CPVL: variants seen among roughly 807,000 people sequenced by gnomAD.
CPVL encodes the protein carboxypeptidase vitellogenic like, also known as probable serine carboxypeptidase CPVL.
In CPVL, 51 loss-of-function variants were observed where a neutral mutation model predicts 63.7. That is an observed-to-expected ratio of 0.80 (90% CI 0.64 to 1.01). The LOEUF (loss-of-function observed/expected upper bound fraction) is 1.01. CPVL is among the 50% of genes least tolerant of loss of function. The pLI, the probability that CPVL is intolerant of heterozygous loss-of-function variation, is 0.00. For missense variants in CPVL, 530 were observed against 573.1 expected (o/e 0.92, Z 0.77); for synonymous variants, 195 against 206.0 (o/e 0.95, Z 0.46).
chr7:29,072,487 A>G (rs1461412578), intron 7 of CPVL, 64 bp from the exon 8 acceptor site: 6 of 1,562,808 alleles, frequency 3.8e-6, no homozygotes, highest in Non-Finnish European at 5.3e-6. Context: ...AAATGTACTT[A>G]AGCTAATTAA....
intron 3 of CPVL, among the ~76,000 whole-genome samples, chr7:29,107,685 G>A: frequency 6.6e-6 from 1 of 152,216 alleles, no homozygotes; most frequent in Non-Finnish European, 1.5e-5. Context: ...CAGAATCTCT[G>A]CTGGGTGCAG....
intron 1 of CPVL, among the ~76,000 whole-genome samples, chr7:29,186,807 G>T (rs1277856689): frequency 6.6e-6 from 1 of 152,070 alleles, no homozygotes; most frequent in Non-Finnish European, 1.5e-5. Context: ...GTATTGGAAT[G>T]AATCAGCCAA....
At chr7:29,036,342 G>A (rs1311063089) in intron 11 of CPVL, among the ~76,000 whole-genome samples, 2 of 152,156 alleles carry the variant, frequency 1.3e-5, no homozygotes, top group East Asian at 3.9e-4. Context: ...CAGAATAAGA[G>A]GTCAGTGAGT....
chr7:29,174,452 T>A (rs928043313), intron 5 of CPVL, among the ~76,000 whole-genome samples: 1 of 152,144 alleles, frequency 6.6e-6, no homozygotes, highest in Non-Finnish European at 1.5e-5. Flanking sequence ...GACAGGAACC[T>A]GTCCAGACAA....
rs1584250519 is a variant in CPVL, at chr7:29,096,476, T to C, written c.289-259A>G. 5.8e-6 allele frequency: 3 copies of C among 518,730 alleles called. No homozygotes were observed. In the East Asian group the frequency reaches 8.9e-5, roughly 15 times the overall value. The allele number at this position is 518,730 out of a possible 1,614,324, so 32.1% of individuals were successfully genotyped here. On this transcript the variant is annotated intron_variant, in intron 3 of 12. Transcript: ENST00000265394. ...CTTTTCCCAACAAGAGACAGAAAGC[T>C]CCTTAAATGTAGATGCTTGGCTTGT... is the stretch of plus-strand genomic sequence containing the variant.
At chr7:29,144,933 T>C (rs1052000201) in intron 1 of CPVL, among the ~76,000 whole-genome samples, 1 of 152,082 alleles carries the variant, frequency 6.6e-6, no homozygotes, top group Non-Finnish European at 1.5e-5. Flanking sequence ...TTTATATAAA[T>C]TGGGGGATCA....
At chr7:29,089,860 CTTT>C (rs112115146) in intron 6 of CPVL, among the ~76,000 whole-genome samples, 2 of 143,054 alleles carry the variant, frequency 1.4e-5, no homozygotes, top group African/African-American at 5.1e-5. Context: ...CCATTGAATT[CTTT>C]TTTTTTTTTT....
intron 12 of CPVL, among the ~76,000 whole-genome samples, chr7:29,001,743 C>G (rs959766079): frequency 2.0e-5 from 3 of 152,046 alleles, no homozygotes; most frequent in African/African-American, 7.2e-5. Context: ...TTCAGGAGAC[C>G]CACATGTAGC....
intron 3 of CPVL, among the ~76,000 whole-genome samples, chr7:29,106,631 A>G (rs529613874): frequency 1.3e-5 from 2 of 152,180 alleles, no homozygotes; most frequent in East Asian, 3.9e-4. Flanking sequence ...TGAGAGCTCT[A>G]CTATGGCAGA....
chr7:29,150,050 C>T (rs750454886), upstream of CPVL, among the ~76,000 whole-genome samples: 2 of 152,148 alleles, frequency 1.3e-5, no homozygotes, highest in Non-Finnish European at 2.9e-5. Flanking sequence ...CAAAGAGATT[C>T]GTTAAGCCTT....
At chr7:29,036,766 G>C (rs543274282) in intron 11 of CPVL, among the ~76,000 whole-genome samples, 9 of 152,276 alleles carry the variant, frequency 5.9e-5, no homozygotes, top group African/African-American at 2.2e-4. Flanking sequence ...CTTTTAAAAG[G>C]AAGTTTTTGA....
At chr7:29,129,636 T>G (rs904792090) in intron 1 of CPVL, among the ~76,000 whole-genome samples, 1 of 152,048 alleles carries the variant, frequency 6.6e-6, no homozygotes, top group African/African-American at 2.4e-5. Context: ...TCCTGGCTAA[T>G]TTTTTGCATT....
chr7:29,060,645 T>C (rs977225864), intron 11 of CPVL, among the ~76,000 whole-genome samples: 12 of 152,194 alleles, frequency 7.9e-5, no homozygotes, highest in African/African-American at 2.4e-4. Flanking sequence ...GTAGCTTACA[T>C]AGAAACTAAC....
At chr7:28,997,473 T>G (rs1323193004) in intron 12 of CPVL, among the ~76,000 whole-genome samples, 1 of 152,204 alleles carries the variant, frequency 6.6e-6, no homozygotes, top group East Asian at 1.9e-4. Flanking sequence ...TCTTACAACC[T>G]TGACGTGCAG....
In CPVL at chr7:29,072,365, A is replaced by G. The variant is rs750639311; in HGVS notation, c.668T>C (p.Val223Ala). The G allele has an allele frequency of 6.2e-7, 1 of 1,614,104 alleles. No homozygotes were observed. The highest frequency in any genetic ancestry group is 2.2e-5 in the East Asian group (1 of 44,864). Reference sequence around the variant, plus strand: ...GTTCAGGTTGATCTTCACCTCTCTCACAGGGTTGAGGGAATGGATGAGGTG... The same window carrying G: ...GTTCAGGTTGATCTTCACCTCTCTCGCAGGGTTGAGGGAATGGATGAGGTG... ...IAHLIHSLNP[V>A]REVKINLNGI... Residue 223 changes from valine to alanine, a missense_variant, in exon 8 of 13, where the codon GTG becomes GCG. By Grantham distance (64) the Val-to-Ala change is moderately conservative (BLOSUM62 0). Transcript: ENST00000265394.
Position 29,073,159 on chromosome 7 carries a change from C to T in CPVL, c.610-736G>A, listed in dbSNP as rs189989128. On this transcript the variant is annotated intron_variant, in intron 7 of 12. Coordinates refer to ENST00000265394, the MANE Select transcript of CPVL (RefSeq NM_031311.5). ...ACTGCACATGTTCAAAATAAAGCTC[C>T]CAATCCCCAACCCTGAGGCAGCCTC... Among the ~76,000 whole-genome samples, 33 of 152,290 alleles carry T rather than the reference C, an allele frequency of 2.2e-4. 1 individual carries two copies. Among genetic ancestry groups the T allele is most frequent in the African/African-American group, 7.7e-4 (32 of 41,570 alleles).
intron 12 of CPVL, 44 bp downstream of exon 12, chr7:29,030,533 C>T (rs1787921954): frequency 6.4e-7 from 1 of 1,572,088 alleles, no homozygotes. Flanking sequence ...TTCAATCCCG[C>T]TCTCCCATTC....
At chr7:29,050,374 A>G (rs541543627) in intron 11 of CPVL, among the ~76,000 whole-genome samples, 5 of 151,166 alleles carry the variant, frequency 3.3e-5, no homozygotes, top group African/African-American at 7.3e-5. Context: ...AAGAGAATCA[A>G]ATCAAGAACT....
intron 1 of CPVL, among the ~76,000 whole-genome samples, chr7:29,144,280 G>A (rs1792210616): frequency 6.6e-6 from 1 of 152,180 alleles, no homozygotes; most frequent in Non-Finnish European, 1.5e-5. Flanking sequence ...GGGGTCACTG[G>A]CCAGGCACAG....
Sources: allele counts gnomAD v4.1 joint callset (sites outside exome capture counted in the v4.1 genomes callset), GRCh38; gene constraint gnomAD v4.1.1; transcripts MANE v1.5; gene names NCBI Gene and HGNC (gene_info 2026-07-23, HGNC 2026-07-21).